Variants in ARHGAP10 observed in about 807,000 individuals in gnomAD.
ARHGAP10 encodes the protein Rho GTPase activating protein 10.
In ARHGAP10, 87 loss-of-function variants were observed where a neutral mutation model predicts 108.6. The ratio of observed to expected loss-of-function variants is 0.80; its 90% confidence interval spans 0.67 to 0.96. The LOEUF is 0.96. Among genes scored for constraint, ARHGAP10 ranks in the 40% least tolerant of loss-of-function variants. The probability of loss-of-function intolerance (pLI) is 0.00; values close to 1 mark genes in which losing one functional copy is unlikely to be tolerated. For missense variants in ARHGAP10, 939 were observed against 954.5 expected (o/e 0.98, Z 0.21); for synonymous variants, 347 against 341.1 (o/e 1.02, Z -0.19).
At chr4:147,922,687 C>CAAAAAAAA (rs34169210) in intron 13 of ARHGAP10, among the ~76,000 whole-genome samples, 1 of 99,240 alleles carries the variant, frequency 1.0e-5, no homozygotes, top group African/African-American at 3.8e-5. Flanking sequence ...GACTCCGTCT[C>CAAAAAAAA]AAAAAAAAAA....
At position 147,997,131 on chromosome 4, in the gene ARHGAP10, C is replaced by T. The variant is rs145190850; in HGVS notation, c.1717-26132C>T. Among the ~76,000 whole-genome samples, 32 of 152,296 alleles carry T rather than the reference C, an allele frequency of 2.1e-4. 1 individual carries two copies. The highest frequency in any genetic ancestry group is 6.5e-4 in the African/African-American group (27 of 41,566). On this transcript the variant is annotated intron_variant, in intron 18 of 22. Transcript: ENST00000336498. ...TGGGAAGAGATTCAAGAAGTTGTCA[C>T]CCCTGGTGTAGTGGTGTGAATAAAA... is the stretch of plus-strand genomic sequence containing the variant.
At chr4:147,876,263 C>T (rs1735053232) in intron 8 of ARHGAP10, among the ~76,000 whole-genome samples, 1 of 152,106 alleles carries the variant, frequency 6.6e-6, no homozygotes, top group Non-Finnish European at 1.5e-5. Context: ...TTCTTAATCT[C>T]AGTTTTTAAA....
chr4:147,838,369 C>CTGAG (rs1233917433), intron 3 of ARHGAP10, among the ~76,000 whole-genome samples: 2 of 152,044 alleles, frequency 1.3e-5, no homozygotes, highest in Non-Finnish European at 2.9e-5. Context: ...ACTTAGGAGG[C>CTGAG]TGAGGCAGGA....
chr4:147,865,184 T>C (rs1462075891), intron 6 of ARHGAP10: 1 of 391,748 alleles, frequency 2.6e-6, no homozygotes, highest in Non-Finnish European at 4.6e-6. Flanking sequence ...TTCCCATTGC[T>C]ACATGATCTC....
intron 13 of ARHGAP10, among the ~76,000 whole-genome samples, chr4:147,933,762 G>T (rs1737801251): frequency 6.6e-6 from 1 of 152,208 alleles, no homozygotes. Context: ...GCATGGGTGG[G>T]ATGAATTTCT....
chr4:147,848,564 C>T (rs907869755), intron 4 of ARHGAP10, among the ~76,000 whole-genome samples: 2 of 152,230 alleles, frequency 1.3e-5, no homozygotes. Flanking sequence ...TCTTTAAGCT[C>T]TTTAAAGCTT....
intron 19 of ARHGAP10, among the ~76,000 whole-genome samples, chr4:148,045,819 C>CTTGA (rs1728857131): frequency 1.4e-5 from 2 of 141,894 alleles, no homozygotes; most frequent in African/African-American, 5.2e-5. Flanking sequence ...TGCTGGTGTT[C>CTTGA]TTGCTTGCTT....
At chr4:147,987,552 T>C (rs1477660651) in intron 18 of ARHGAP10, among the ~76,000 whole-genome samples, 2 of 152,202 alleles carry the variant, frequency 1.3e-5, no homozygotes, top group Non-Finnish European at 2.9e-5. Flanking sequence ...CCTGCTGTGT[T>C]AGTGAGGCTT....
At chr4:147,888,944 A>T (rs866320505) in intron 10 of ARHGAP10, among the ~76,000 whole-genome samples, 13 of 152,220 alleles carry the variant, frequency 8.5e-5, no homozygotes, top group Non-Finnish European at 5.9e-5. Context: ...GAATCAGGGA[A>T]TTATAAGAAA....
intron 18 of ARHGAP10, among the ~76,000 whole-genome samples, chr4:147,990,536 C>T (rs1324624803): frequency 6.6e-6 from 1 of 152,170 alleles, no homozygotes; most frequent in Non-Finnish European, 1.5e-5. Flanking sequence ...TCGATGGAAT[C>T]AATCCAAATG....
In ARHGAP10 at chr4:148,006,214, C is replaced by T. The variant is rs147058138; in HGVS notation, c.1717-17049C>T. Among the ~76,000 whole-genome samples, 129 of 152,300 alleles carry T rather than the reference C, an allele frequency of 8.5e-4. No homozygotes were observed. In the East Asian group the frequency reaches 0.019, roughly 23 times the overall value. The stretch of plus-strand genomic sequence containing the variant: ...AAGCATTGAGGAAGCCCATGCTCAC[C>T]GTGTAGAGAGGCTACAGAGACGGGG... On this transcript the variant is annotated intron_variant, in intron 18 of 22. Coordinates refer to ENST00000336498, the MANE Select transcript of ARHGAP10 (RefSeq NM_024605.4).
chr4:148,046,953 C>A lies in ARHGAP10; in HGVS notation c.1929C>A (p.Ser643=), dbSNP rs1448769577. The change falls in exon 20 of 23, where the codon TCC becomes TCA. Residue 643 remains serine (S), a synonymous_variant. Transcript: ENST00000336498. ...TPTSSLDSLS[S]PSPVTTAVPG... is the part of the protein sequence containing the mutation. ...CCAGCAGTCTGGACTCACTTTCCTC[C>A]CCGTCTCCCGTGACTACAGCTGTCC... 3.1e-6 allele frequency: 5 copies of A among 1,614,044 alleles called. No homozygotes were observed. In the African/African-American group the frequency reaches 4.0e-5, roughly 13 times the overall value.
intron 3 of ARHGAP10, among the ~76,000 whole-genome samples, chr4:147,826,105 C>T (rs1732697992): frequency 1.3e-5 from 2 of 152,182 alleles, no homozygotes; most frequent in South Asian, 4.1e-4. Context: ...AGGGCATCAT[C>T]CTGGTGTCTG....
chr4:147,854,736 T>C, intron 4 of ARHGAP10: 1 of 984,016 alleles, frequency 1.0e-6, no homozygotes. Flanking sequence ...TAAGAACAAA[T>C]GCAGGAAGAA....
intron 1 of ARHGAP10, among the ~76,000 whole-genome samples, chr4:147,763,099 A>G (rs1729654800): frequency 1.3e-5 from 2 of 152,206 alleles, no homozygotes; most frequent in African/African-American, 4.8e-5. Context: ...CAAGATGGCT[A>G]CTAAAGAACA....
At chr4:147,966,273 C>A in intron 17 of ARHGAP10, among the ~76,000 whole-genome samples, 1 of 152,230 alleles carries the variant, frequency 6.6e-6, no homozygotes, top group East Asian at 1.9e-4. Context: ...TGGGCAGATT[C>A]AACCAGCTAC....
At chr4:147,888,944 A>G (rs866320505) in intron 10 of ARHGAP10, among the ~76,000 whole-genome samples, 1 of 152,220 alleles carries the variant, frequency 6.6e-6, no homozygotes, top group East Asian at 1.9e-4. Flanking sequence ...GAATCAGGGA[A>G]TTATAAGAAA....
intron 18 of ARHGAP10, among the ~76,000 whole-genome samples, chr4:148,021,543 G>A (rs1181887129): frequency 3.3e-5 from 5 of 152,200 alleles, no homozygotes; most frequent in African/African-American, 1.2e-4. Flanking sequence ...GTAAGCCAGG[G>A]AGCTGTTTTA....
chr4:147,796,518 C>A (rs920046230), intron 1 of ARHGAP10, among the ~76,000 whole-genome samples: 1 of 151,242 alleles, frequency 6.6e-6, no homozygotes, highest in African/African-American at 2.4e-5. Context: ...TTCCTTATTT[C>A]TTTTTTTTTA....
Sources: allele counts gnomAD v4.1 joint callset (sites outside exome capture counted in the v4.1 genomes callset), GRCh38; gene constraint gnomAD v4.1.1; transcripts MANE v1.5; gene names NCBI Gene and HGNC (gene_info 2026-07-23, HGNC 2026-07-21).